The following VPS8 variants were observed in gnomAD, a reference collection of about 807,000 sequenced individuals.
The protein encoded by VPS8 is vacuolar protein sorting-associated protein 8 homolog.
A neutral mutation model predicts 216.4 loss-of-function variants in VPS8; 129 were observed. The ratio of observed to expected loss-of-function variants is 0.60; its 90% CI spans 0.52 to 0.69. VPS8 has a LOEUF of 0.69. Among genes scored for constraint, VPS8 ranks in the 30% least tolerant of loss-of-function variants. The pLI is 0.00. For missense variants in VPS8, 1,531 were observed against 1,683.5 expected, an observed-to-expected ratio of 0.91 and a Z score of 1.59; for synonymous variants, 571 against 565.4, an observed-to-expected ratio of 1.01 and a Z score of -0.14.
chr3:184,931,682 G>A (rs1335363126), intron 34 of VPS8, among the ~76,000 whole-genome samples: 2 of 152,062 alleles, frequency 1.3e-5, no homozygotes, highest in Non-Finnish European at 2.9e-5. Flanking sequence ...TTGAGAACAT[G>A]GAATATGTTA....
intron 24 of VPS8, among the ~76,000 whole-genome samples, chr3:184,899,023 C>T (rs1233522431): frequency 2.0e-5 from 3 of 152,070 alleles, no homozygotes; most frequent in Non-Finnish European, 4.4e-5. Flanking sequence ...AATCAATGTA[C>T]TATTGAGTAA....
chr3:184,838,392 T>TA (rs1322948490), intron 5 of VPS8, among the ~76,000 whole-genome samples: 1 of 152,182 alleles, frequency 6.6e-6, no homozygotes, highest in African/African-American at 2.4e-5. Flanking sequence ...CCATAGTACT[T>TA]ATAGTTTATT....
chr3:184,945,144 CCTCTCTCTCTTT>C (rs1349457772), intron 36 of VPS8, among the ~76,000 whole-genome samples: 4 of 151,036 alleles, frequency 2.6e-5, no homozygotes, highest in Non-Finnish European at 5.9e-5. Context: ...CCAGTCAGCT[CCTCTCTCTCTTT>C]CTCTCTCTCT....
chr3:184,910,994 A>G (rs542538880), intron 25 of VPS8, among the ~76,000 whole-genome samples: 10 of 152,334 alleles, frequency 6.6e-5, no homozygotes, highest in South Asian at 6.2e-4. Context: ...CCCGTACCTA[A>G]TAGTAGCCCT....
Position 184,957,360 on chromosome 3 carries a change from TTTTA to T in VPS8, c.3036-12_3036-9del, listed in dbSNP as rs754156908. Reference sequence around the variant, plus strand: ...GCTACAATTGAGTGTTCTCTTTATCTTTTATGTTTTTAGGGAAGGTATTCATGTA... The same window carrying T: ...GCTACAATTGAGTGTTCTCTTTATCTTGTTTTTAGGGAAGGTATTCATGTA... On this transcript the variant is annotated splice_polypyrimidine_tract_variant and intron_variant, in intron 36 of 47. Transcript: ENST00000625842. 5.9e-4 allele frequency: 557 copies of T among 950,486 alleles called. 3 individuals carry two copies. Among genetic ancestry groups the T allele is most frequent in the Non-Finnish European group, 3.6e-5 (27 of 739,826 alleles). 58.9% of individuals were successfully genotyped at this position (950,486 alleles called of 1,614,324 possible).
At chr3:184,964,401 C>A in intron 37 of VPS8, 67 bp from the exon 38 acceptor site, 1 of 988,942 alleles carries the variant, frequency 1.0e-6, no homozygotes, top group South Asian at 2.3e-5. Context: ...TTTTCATCCT[C>A]AATGGGATCT....
At chr3:184,944,149 T>C (rs1055895284) in intron 36 of VPS8, among the ~76,000 whole-genome samples, 9 of 152,206 alleles carry the variant, frequency 5.9e-5, no homozygotes, top group African/African-American at 2.2e-4. Flanking sequence ...GGTCATCCAG[T>C]TGAATTTGTG....
At chr3:185,003,867 T>C (rs1753809155) in intron 45 of VPS8, among the ~76,000 whole-genome samples, 2 of 150,020 alleles carry the variant, frequency 1.3e-5, no homozygotes, top group African/African-American at 2.5e-5. Flanking sequence ...GAGACGCTCC[T>C]CACCTCCCAG....
At chr3:184,965,197 G>A (rs1216649726) in intron 38 of VPS8, among the ~76,000 whole-genome samples, 1 of 151,972 alleles carries the variant, frequency 6.6e-6, no homozygotes, top group African/African-American at 2.4e-5. Context: ...AATAGATTAG[G>A]GATATCATAT....
At chr3:185,005,054 G>GT (rs1405055236) in intron 45 of VPS8, among the ~76,000 whole-genome samples, 1 of 152,196 alleles carries the variant, frequency 6.6e-6, no homozygotes, top group Non-Finnish European at 1.5e-5. Flanking sequence ...TTTGTATACA[G>GT]TGAGAGTTGA....
intron 22 of VPS8, among the ~76,000 whole-genome samples, chr3:184,889,639 T>TA (rs1295156884): frequency 6.6e-6 from 1 of 152,088 alleles, no homozygotes; most frequent in Non-Finnish European, 1.5e-5. Context: ...TCTCTTTCCC[T>TA]AATTCTACTC....
chr3:184,869,238 C>T (rs769898675), intron 19 of VPS8, among the ~76,000 whole-genome samples: 5 of 152,028 alleles, frequency 3.3e-5, no homozygotes, highest in Non-Finnish European at 5.9e-5. Flanking sequence ...ATTAAAATGT[C>T]GCTTTTAAAA....
At chr3:184,831,449 A>T (rs1052471637) in intron 3 of VPS8, among the ~76,000 whole-genome samples, 4 of 152,166 alleles carry the variant, frequency 2.6e-5, no homozygotes, top group African/African-American at 9.7e-5. Context: ...GTAGACATTA[A>T]TCTCTCAAGT....
intron 45 of VPS8, among the ~76,000 whole-genome samples, chr3:185,013,693 T>C (rs1755372755): frequency 6.6e-6 from 1 of 152,200 alleles, no homozygotes. Flanking sequence ...CAACGGGCCA[T>C]ATCATTTGAG....
intron 27 of VPS8, 110 bp downstream of exon 27, chr3:184,915,163 C>G (rs935527211): frequency 7.3e-7 from 1 of 1,369,948 alleles, no homozygotes; most frequent in East Asian, 2.3e-5. Flanking sequence ...TCACCTGTTG[C>G]AGGAGAGAGC....
intron 46 of VPS8, among the ~76,000 whole-genome samples, chr3:185,028,667 A>G (rs1052794115): frequency 2.0e-5 from 3 of 152,236 alleles, no homozygotes; most frequent in Admixed American, 6.5e-5. Flanking sequence ...TTTCTCTCAG[A>G]AAACCCTGAC....
chr3:184,816,389 T>C (rs1716330190), intron 1 of VPS8, among the ~76,000 whole-genome samples: 1 of 151,378 alleles, frequency 6.6e-6, no homozygotes, highest in Non-Finnish European at 1.5e-5. Flanking sequence ...TTCCTTCCCC[T>C]TACTTTTCTT....
At chr3:184,924,138 C>T (rs1453549653) in intron 29 of VPS8, among the ~76,000 whole-genome samples, 1 of 152,178 alleles carries the variant, frequency 6.6e-6, no homozygotes, top group East Asian at 1.9e-4. Context: ...TTATACAAAA[C>T]CATGTCTTCA....
intron 46 of VPS8, among the ~76,000 whole-genome samples, chr3:185,030,770 G>A (rs1758005183): frequency 6.6e-6 from 1 of 152,042 alleles, no homozygotes; most frequent in South Asian, 2.1e-4. Flanking sequence ...CTGATTTTTG[G>A]AGTTTTTTAA....
Sources: gnomAD v4.1 joint callset for allele counts (sites outside exome capture counted in the v4.1 genomes callset) on GRCh38, gnomAD v4.1.1 for gene constraint, MANE v1.5 for transcripts, NCBI Gene and HGNC (gene_info 2026-07-23, HGNC 2026-07-21) for gene names.